NLGN4X: variants seen among roughly 807,000 people sequenced by gnomAD.
NLGN4X encodes neuroligin-4, X-linked.
NLGN4X carries 3 observed loss-of-function variants against 40.3 expected under a neutral mutation model. The observed-to-expected ratio is 0.07, with a 90% CI of 0.03 to 0.19. NLGN4X has a LOEUF of 0.19. Ranked by LOEUF, NLGN4X falls within the 10% of genes least tolerant of loss-of-function variation. The probability of loss-of-function intolerance (pLI) is 1.00; values close to 1 mark genes in which losing one functional copy is unlikely to be tolerated. For missense variants in NLGN4X, 382 were observed against 708.3 expected, an observed-to-expected ratio of 0.54 and a Z score of 5.23; for synonymous variants, 270 against 306.8, an observed-to-expected ratio of 0.88 and a Z score of 1.25.
chrX:6,018,071 C>CAT (rs929155660), intron 3 of NLGN4X, among the ~76,000 whole-genome samples: 3 of 111,027 alleles, frequency 2.7e-5, no homozygotes, highest in South Asian at 3.8e-4. Context: ...TATATAGACA[C>CAT]ATATATATAC....
At chrX:6,032,511 T>C (rs2036893696) in intron 2 of NLGN4X, among the ~76,000 whole-genome samples, 1 of 108,642 alleles carries the variant, frequency 9.2e-6, no homozygotes, top group Non-Finnish European at 1.9e-5. Context: ...CTGTACATGG[T>C]AACTGGGATT....
chrX:6,019,746 T>C (rs746201760), intron 3 of NLGN4X, among the ~76,000 whole-genome samples: 23 of 111,440 alleles, frequency 2.1e-4, no homozygotes, highest in Non-Finnish European at 3.8e-4. Context: ...TTTCACATAC[T>C]GGATGAGAAG....
At chrX:6,030,394 A>G (rs56064667) in intron 2 of NLGN4X, among the ~76,000 whole-genome samples, 33,948 of 99,865 alleles carry the variant, frequency 0.34, 5,312 homozygotes, top group East Asian at 0.75. Context: ...GGATACAGAT[A>G]TGTGTGTGTG....
At position 6,228,681 on chromosome X, in the gene NLGN4X, G is replaced by C. The variant is rs767912212; in HGVS notation, c.-446C>G. On this transcript the variant is annotated 5_prime_UTR_variant, in exon 1 of 6. The change creates a new upstream start codon in the 5' untranslated region. Transcript: ENST00000381095. ...TTCCCCTTCTGGAACCCCCCAACTA[G>C]ATTTCCTCATCCAGAGGAATGCAAG... 7 of 111,201 alleles carry C rather than the reference G, an allele frequency of 6.3e-5. No individual in the cohort carries two copies. The East Asian group carries it at 2.0e-3, about 32-fold the overall frequency. The allele number at this position is 111,201 out of a possible 1,213,427, so 9.2% of individuals were successfully genotyped here. A position where few individuals can be genotyped will look rare whatever the true frequency, so the allele number is the denominator to read the frequency against.
rs201556012 is a variant in NLGN4X at position 5,893,431 on chromosome X, C to A, written c.1837G>T (p.Val613Phe). Residue 613 changes from valine (V) to phenylalanine (F), a missense_variant, in exon 6 of 6, where the codon GTT becomes TTT. Coordinates refer to ENST00000381095, the MANE Select transcript of NLGN4X (RefSeq NM_181332.3). ...AATGATGTCATGTCTGGTGGAGGAACCTTTGTGGTTGTTGAAACATACTGG... is the reference window on the plus strand; with the variant it reads ...AATGATGTCATGTCTGGTGGAGGAAACTTTGTGGTTGTTGAAACATACTGG... ...IFQYVSTTTK[V>F]PPPDMTSFPY... The A allele has an allele frequency of 1.7e-5, 20 of 1,209,544 alleles. No homozygotes were observed. Among genetic ancestry groups the A allele is most frequent in the Non-Finnish European group, 2.0e-5 (18 of 894,845 alleles).
At chrX:5,909,685 G>A (rs761613798) in intron 3 of NLGN4X, among the ~76,000 whole-genome samples, 1 of 108,977 alleles carries the variant, frequency 9.2e-6, no homozygotes, top group South Asian at 4.1e-4. Context: ...GTGTGTCTGT[G>A]TCTAAGAATA....
chrX:5,992,115 C>T (rs2035700667), intron 3 of NLGN4X, among the ~76,000 whole-genome samples: 1 of 111,493 alleles, frequency 9.0e-6, no homozygotes, highest in African/African-American at 3.3e-5. Flanking sequence ...TCCATTTATA[C>T]CTATAATTTT....
chrX:6,030,826 T>C (rs947637212), intron 2 of NLGN4X, among the ~76,000 whole-genome samples: 2 of 112,446 alleles, frequency 1.8e-5, no homozygotes, highest in Non-Finnish European at 3.8e-5. Context: ...TCTTCTGCTA[T>C]ATGAATAAGA....
chrX:5,920,429 T>G (rs1364877372), intron 3 of NLGN4X, among the ~76,000 whole-genome samples: 1 of 112,225 alleles, frequency 8.9e-6, no homozygotes, highest in Non-Finnish European at 1.9e-5. Flanking sequence ...TGGACAGGAC[T>G]GCAGGAGCGT....
At chrX:6,097,236 C>CTTTTTTTTTTT (rs35401398) in intron 2 of NLGN4X, among the ~76,000 whole-genome samples, 1 of 97,653 alleles carries the variant, frequency 1.0e-5, no homozygotes, top group African/African-American at 3.8e-5. Flanking sequence ...GCTTTCTTGG[C>CTTTTTTTTTTT]TTTTTTTTTT....
chrX:6,104,102 C>A (rs947806332), intron 2 of NLGN4X, among the ~76,000 whole-genome samples: 1 of 69,515 alleles, frequency 1.4e-5, no homozygotes, highest in Non-Finnish European at 3.0e-5. Context: ...TGGTACCGCA[C>A]AGATCTACAC....
rs767356819 is a variant in NLGN4X, at chrX:5,903,187, G to A, written c.1491C>T (p.Phe497=). 67 of 1,210,504 alleles carry A rather than the reference G, an allele frequency of 5.5e-5. 1 individual carries two copies. Among genetic ancestry groups the A allele is most frequent in the African/African-American group, 7.0e-5 (4 of 57,235 alleles). ...SAHGDEVPYV[F]GIPMIGPTEL... is the part of the protein sequence containing the mutation. ...CGGTGGGACCGATCATGGGGATGCC[G>A]AAGACATAGGGGACCTCATCACCAT... The change falls in exon 5 of 6, where the codon TTC becomes TTT. Residue 497 remains phenylalanine, a synonymous_variant. Transcript: ENST00000381095.
chrX:6,074,615 T>C (rs1243547828), intron 2 of NLGN4X, among the ~76,000 whole-genome samples: 4 of 111,921 alleles, frequency 3.6e-5, no homozygotes. Flanking sequence ...TCTGAGTTTG[T>C]GCCATTGTCG....
intron 4 of NLGN4X, among the ~76,000 whole-genome samples, chrX:5,907,954 T>G (rs1271510091): frequency 5.1e-5 from 4 of 79,154 alleles, no homozygotes; most frequent in East Asian, 4.1e-4. Context: ...GGAAAGGAGA[T>G]AGTGAGTAAG....
intron 1 of NLGN4X, among the ~76,000 whole-genome samples, chrX:6,227,499 A>T (rs773903283): frequency 9.2e-6 from 1 of 108,766 alleles, no homozygotes; most frequent in South Asian, 4.1e-4. Flanking sequence ...CCAGGGCGGC[A>T]GCTGCAAGCC....
intron 3 of NLGN4X, among the ~76,000 whole-genome samples, chrX:5,968,457 CTGTGTG>C (rs529573810): frequency 0.011 from 534 of 46,975 alleles, 12 homozygotes; most frequent in African/African-American, 0.031. Context: ...CTCTCTCTCT[CTGTGTG>C]TGTGTGTGTG....
chrX:6,169,770 G>A (rs1437697442), intron 1 of NLGN4X, among the ~76,000 whole-genome samples: 2 of 112,164 alleles, frequency 1.8e-5, no homozygotes, highest in Non-Finnish European at 3.8e-5. Context: ...CTTCCCGTAG[G>A]ATAGACAAAG....
chrX:6,158,457 G>C (rs1033653673), intron 1 of NLGN4X, among the ~76,000 whole-genome samples: 1 of 111,764 alleles, frequency 8.9e-6, no homozygotes, highest in African/African-American at 3.3e-5. Flanking sequence ...TCTACAGATA[G>C]CCTCAACATA....
intron 3 of NLGN4X, among the ~76,000 whole-genome samples, chrX:5,971,102 T>A (rs1366057164): frequency 8.9e-6 from 1 of 112,344 alleles, no homozygotes; most frequent in Non-Finnish European, 1.9e-5. Flanking sequence ...ATATAACTAA[T>A]AATTATTGGA....
Sources: gnomAD v4.1 joint callset for allele counts (sites outside exome capture counted in the v4.1 genomes callset) on GRCh38, gnomAD v4.1.1 for gene constraint, MANE v1.5 for transcripts, NCBI Gene and HGNC (gene_info 2026-07-23, HGNC 2026-07-21) for gene names.